The following DHX32 variants were observed in gnomAD, a reference collection of about 807,000 sequenced individuals.
The protein encoded by DHX32 is putative pre-mRNA-splicing factor ATP-dependent RNA helicase DHX32.
DHX32 carries 51 observed loss-of-function variants against 70.0 expected under a neutral mutation model. The observed-to-expected ratio is 0.73, with a 90% CI of 0.58 to 0.92. The LOEUF (loss-of-function observed/expected upper bound fraction) is 0.92. Among genes scored for constraint, DHX32 ranks in the 40% least tolerant of loss-of-function variants. The pLI is 0.00. For synonymous variants in DHX32, 310 were observed against 315.3 expected, an observed-to-expected ratio of 0.98 and a Z score of 0.18; for missense variants, 762 against 891.8, an observed-to-expected ratio of 0.85 and a Z score of 1.85.
intron 4 of DHX32, chr10:125,853,268 C>T (rs769634451): frequency 2.9e-5 from 42 of 1,464,132 alleles, no homozygotes; most frequent in Non-Finnish European, 3.7e-5. Context: ...TTAGGAGGCT[C>T]ATAGTCTCCT....
intron 10 of DHX32, among the ~76,000 whole-genome samples, chr10:125,837,961 C>T (rs1207389598): frequency 6.6e-6 from 1 of 152,160 alleles, no homozygotes; most frequent in South Asian, 2.1e-4. Context: ...AGCATTCTGT[C>T]CTTCTTAAAG....
At position 125,851,490 on chromosome 10, in the gene DHX32, C is replaced by A. The variant is rs544489129; in HGVS notation, c.1351+803G>T. On this transcript the variant is annotated intron_variant, in intron 6 of 10. Transcript: ENST00000284690. ...TTTCTAGTCCACCAAACATCTACTA[C>A]CCTGAGCAAGAAGATGCCTAGGAAA... Among the ~76,000 whole-genome samples, 35 of 152,326 alleles carry A rather than the reference C, an allele frequency of 2.3e-4. No homozygotes were observed. The South Asian group carries it at 5.0e-3, about 22-fold the overall frequency.
At chr10:125,848,742 T>C (rs1345735931) in intron 6 of DHX32, among the ~76,000 whole-genome samples, 1 of 152,174 alleles carries the variant, frequency 6.6e-6, no homozygotes, top group African/African-American at 2.4e-5. Context: ...AGGGCCCCTG[T>C]GGTGCAGAGC....
At chr10:125,884,401 T>C (rs1288800603), upstream of DHX32, among the ~76,000 whole-genome samples, 1 of 152,254 alleles carries the variant, frequency 6.6e-6, no homozygotes, top group Non-Finnish European at 1.5e-5. Context: ...ATAACTGTTC[T>C]GTTGTAAGTA....
At chr10:125,869,529 TG>T (rs1385276024) in intron 1 of DHX32, 3 of 151,302 alleles carry the variant, frequency 2.0e-5, no homozygotes, top group Non-Finnish European at 4.4e-5. Context: ...TGAGCTGAGC[TG>T]GCACCACTGT....
At chr10:125,855,453 T>G (rs1270794342) in intron 3 of DHX32, among the ~76,000 whole-genome samples, 2 of 145,922 alleles carry the variant, frequency 1.4e-5, no homozygotes, top group Non-Finnish European at 1.5e-5. Context: ...AAACTGTTTT[T>G]TTTTTTTTTT....
intron 10 of DHX32, among the ~76,000 whole-genome samples, chr10:125,837,851 T>G (rs1854744573): frequency 6.6e-6 from 1 of 152,204 alleles, no homozygotes; most frequent in Non-Finnish European, 1.5e-5. Context: ...CAGCCTTCCC[T>G]CCTTCCTCTT....
chr10:125,893,153 A>T (rs1199361118), intron 1 of DHX32, among the ~76,000 whole-genome samples: 1 of 152,284 alleles, frequency 6.6e-6, no homozygotes, highest in East Asian at 1.9e-4. Flanking sequence ...AGCGAAGTGC[A>T]TTTAGTGGGC....
chr10:125,868,330 AAG>A (rs1484361812), intron 1 of DHX32, among the ~76,000 whole-genome samples: 3 of 152,238 alleles, frequency 2.0e-5, no homozygotes, highest in Non-Finnish European at 4.4e-5. Flanking sequence ...AAATTATTCC[AAG>A]AGTGTTTTTA....
chr10:125,838,670 T>C lies in DHX32; in HGVS notation c.1882-283A>G, dbSNP rs537681848. Among the ~76,000 whole-genome samples, 7 of 152,274 alleles carry C rather than the reference T, an allele frequency of 4.6e-5. No individual in the cohort carries two copies. The South Asian group carries it at 1.2e-3, about 27-fold the overall frequency. ...GGCCATGAGATGAAACTTAGCACGCTACCCACCATACTATGGGCGACATAC... is the reference window on the plus strand; with the variant it reads ...GGCCATGAGATGAAACTTAGCACGCCACCCACCATACTATGGGCGACATAC... On this transcript the variant is annotated intron_variant, in intron 9 of 10. Transcript: ENST00000284690.
At chr10:125,845,388 A>G (rs1390500932) in intron 6 of DHX32, among the ~76,000 whole-genome samples, 1 of 152,182 alleles carries the variant, frequency 6.6e-6, no homozygotes, top group Non-Finnish European at 1.5e-5. Context: ...GGTAGCTGAC[A>G]TTATGCAAAT....
chr10:125,890,774 C>T (rs1228268769), intron 1 of DHX32: 2 of 149,218 alleles, frequency 1.3e-5, no homozygotes, highest in Non-Finnish European at 3.0e-5. Context: ...TCTAACGGTA[C>T]TTAAAAAAAT....
intron 1 of DHX32, among the ~76,000 whole-genome samples, chr10:125,875,894 C>T (rs1443342304): frequency 2.0e-5 from 3 of 152,120 alleles, no homozygotes; most frequent in African/African-American, 7.2e-5. Context: ...GAAAGGACAC[C>T]AGGTTAGGAG....
chr10:125,854,025 C>G lies in DHX32; in HGVS notation c.1028G>C (p.Gly343Ala). The G allele has an allele frequency of 6.2e-7, 1 of 1,614,082 alleles. No individual in the cohort carries two copies. Among genetic ancestry groups the G allele is most frequent in the Non-Finnish European group, 8.5e-7 (1 of 1,179,988 alleles). Residue 343 changes from glycine to alanine, a missense_variant, in exon 4 of 11, where the codon GGA becomes GCA. This residue lies in a region of DHX32 where 394 missense variants were observed against 473.1 expected (regional missense o/e 0.83). Coordinates refer to ENST00000284690, the MANE Select transcript of DHX32 (RefSeq NM_018180.3). ...QRRVVLTTSS[G>A]EFLIWSNSVR... ...TGAGTTGCTCCAGATCAAAAACTCT[C>G]CAGAGCTAGTAGTTAACACCACTCT...
chr10:125,867,096 C>G lies in DHX32; in HGVS notation c.370G>C (p.Val124Leu). The change falls in exon 2 of 11, where the codon GTC (valine) becomes CTC (leucine). Residue 124 changes from valine to leucine, a missense_variant. Transcript: ENST00000284690. Reference sequence around the variant, plus strand: ...TCCGCCACCCGCAGGGCGAGCTGGACCACAGTCTGCTTGTGGACCTGTGTG... The same window carrying G: ...TCCGCCACCCGCAGGGCGAGCTGGAGCACAGTCTGCTTGTGGACCTGTGTG... ...ICTQVHKQTV[V>L]QLALRVADEM... 1 of 1,614,176 alleles carries G rather than the reference C, an allele frequency of 6.2e-7. No homozygotes were observed. Among genetic ancestry groups the G allele is most frequent in the Non-Finnish European group, 8.5e-7 (1 of 1,180,034 alleles).
chr10:125,885,608 C>T (rs538836128), upstream of DHX32, among the ~76,000 whole-genome samples: 25 of 152,258 alleles, frequency 1.6e-4, no homozygotes, highest in Middle Eastern at 3.4e-3. Flanking sequence ...TTTCCAGAAA[C>T]GAACACAGTC....
intron 1 of DHX32, among the ~76,000 whole-genome samples, chr10:125,888,660 C>G: frequency 6.6e-6 from 1 of 152,292 alleles, no homozygotes; most frequent in Non-Finnish European, 1.5e-5. Context: ...TCAGATTTCC[C>G]TAGTACTGCA....
intron 3 of DHX32, 61 bp downstream of exon 3, chr10:125,859,542 T>G: frequency 6.7e-7 from 1 of 1,502,572 alleles, no homozygotes; most frequent in East Asian, 2.3e-5. Context: ...GTATGTTAGT[T>G]ATTAAAAGCT....
At chr10:125,877,650 C>T (rs1944292014) in intron 1 of DHX32, among the ~76,000 whole-genome samples, 1 of 152,146 alleles carries the variant, frequency 6.6e-6, no homozygotes, top group South Asian at 2.1e-4. Flanking sequence ...TGCCCCACTG[C>T]ATTCCAGCCT....
Sources: allele counts gnomAD v4.1 joint callset (sites outside exome capture counted in the v4.1 genomes callset), GRCh38; gene constraint gnomAD v4.1.1; regional missense constraint gnomAD v4.1.1; transcripts MANE v1.5; gene names NCBI Gene and HGNC (gene_info 2026-07-23, HGNC 2026-07-21).